TMPRSS2: variants seen among roughly 807,000 people sequenced by gnomAD.
TMPRSS2 encodes the protein transmembrane serine protease 2.
In TMPRSS2, 59 loss-of-function variants were observed where a neutral mutation model predicts 67.4. That is an observed-to-expected ratio of 0.88 (90% CI 0.71 to 1.09). TMPRSS2 has a LOEUF of 1.09. TMPRSS2 is among the 50% of genes least tolerant of loss of function. TMPRSS2 has a pLI of 0.00. For missense variants in TMPRSS2, 668 were observed against 642.7 expected (o/e 1.04, Z -0.43); for synonymous variants, 257 against 257.0 (o/e 1.00, Z 0.00).
chr21:41,467,577 A>ACTGGGGGGATGGGGCTGTGG (rs1486590960), intron 13 of TMPRSS2, among the ~76,000 whole-genome samples, 157 bp downstream of exon 13: 15 of 152,138 alleles, frequency 9.9e-5, no homozygotes, highest in Non-Finnish European at 1.6e-4. Context: ...ATGGGTGGAC[A>ACTGGGGGGATGGGGCTGTGG]CTGGGGGGAT....
intron 1 of TMPRSS2, 45 bp downstream of exon 1, chr21:41,508,036 C>A: frequency 7.6e-7 from 1 of 1,308,416 alleles, no homozygotes; most frequent in South Asian, 2.1e-5. Context: ...GTTCCCCTCC[C>A]CAGCCCGGAC....
chr21:41,475,498 G>T (rs1356538564), intron 8 of TMPRSS2, among the ~76,000 whole-genome samples: 14 of 59,562 alleles, frequency 2.4e-4, no homozygotes, highest in Non-Finnish European at 3.9e-4. Context: ...TGAGTAGGGG[G>T]TGAGTGAGGA....
chr21:41,501,837 G>A (rs962314088), intron 1 of TMPRSS2, among the ~76,000 whole-genome samples: 11 of 152,116 alleles, frequency 7.2e-5, no homozygotes, highest in African/African-American at 2.4e-4. Context: ...GGAGCAAGAC[G>A]TAAAGTAGAT....
intron 5 of TMPRSS2, chr21:41,486,646 A>G (rs995561383): frequency 6.6e-6 from 1 of 152,186 alleles, no homozygotes; most frequent in Non-Finnish European, 1.5e-5. Flanking sequence ...GGCAGCTCTT[A>G]AAGAGAAACG....
At chr21:41,480,054 G>A (rs1045047017) in intron 6 of TMPRSS2, among the ~76,000 whole-genome samples, 1 of 152,196 alleles carries the variant, frequency 6.6e-6, no homozygotes, top group African/African-American at 2.4e-5. Flanking sequence ...AAGTGAAACT[G>A]GCACAGGATT....
At chr21:41,505,087 C>T (rs2091448945) in intron 1 of TMPRSS2, among the ~76,000 whole-genome samples, 1 of 152,096 alleles carries the variant, frequency 6.6e-6, no homozygotes, top group African/African-American at 2.4e-5. Context: ...CCTCACTCTC[C>T]CCACTAGCAA....
intron 8 of TMPRSS2, 141 bp from the exon 9 acceptor site, chr21:41,473,637 C>T: frequency 1.1e-6 from 1 of 944,362 alleles, no homozygotes; most frequent in Non-Finnish European, 1.6e-6. Flanking sequence ...TAGGGGGCTC[C>T]TGGGGGTCTC....
At chr21:41,507,739 G>A (rs2091468457) in intron 1 of TMPRSS2, among the ~76,000 whole-genome samples, 1 of 152,090 alleles carries the variant, frequency 6.6e-6, no homozygotes, top group South Asian at 2.1e-4. Flanking sequence ...GGCGGACTAG[G>A]AGCCAGCTTT....
At chr21:41,466,616 GCC>G (rs1388927115) in intron 13 of TMPRSS2, among the ~76,000 whole-genome samples, 13 of 152,144 alleles carry the variant, frequency 8.5e-5, no homozygotes, top group African/African-American at 3.1e-4. Flanking sequence ...TGGGCCCTGG[GCC>G]AGGTGACGCC....
intron 1 of TMPRSS2, among the ~76,000 whole-genome samples, chr21:41,504,358 C>G (rs563930557): frequency 6.6e-6 from 1 of 152,366 alleles, no homozygotes; most frequent in African/African-American, 2.4e-5. Flanking sequence ...CTCCCTCTCC[C>G]AGACTCACCT....
chr21:41,476,377 C>T (rs2091213173), intron 8 of TMPRSS2, among the ~76,000 whole-genome samples, 200 bp downstream of exon 8: 1 of 152,064 alleles, frequency 6.6e-6, no homozygotes, highest in Non-Finnish European at 1.5e-5. Context: ...TCCCTTGGAC[C>T]CAAGGCTGAA....
intron 5 of TMPRSS2, among the ~76,000 whole-genome samples, chr21:41,484,592 C>T (rs563595464): frequency 5.6e-4 from 86 of 152,282 alleles, no homozygotes; most frequent in African/African-American, 2.0e-3. Context: ...ACATGCACAG[C>T]GTTATGTTTG....
rs554890599 is a variant in TMPRSS2, at chr21:41,467,628, C to A, written c.1467+106G>T. The A allele has an allele frequency of 2.7e-5, 37 of 1,376,494 alleles. No individual in the cohort carries two copies. In the African/African-American group the frequency reaches 5.0e-4, roughly 18 times the overall value. The allele number at this position is 1,376,494 out of a possible 1,614,324, so 85.3% of individuals were successfully genotyped here. On this transcript the variant is annotated intron_variant, in intron 13 of 13. Transcript: ENST00000332149. ...GGAAGCAGAGTTTGCTTCATGCTGA[C>A]CAGTGGTCACCAGTCAGCTTCCAGC...
chr21:41,508,026 G>T, intron 1 of TMPRSS2, 55 bp downstream of exon 1: 1 of 1,337,204 alleles, frequency 7.5e-7, no homozygotes, highest in Non-Finnish European at 9.5e-7. Flanking sequence ...AGGCGCCCAG[G>T]TTCCCCTCCC....
chr21:41,485,541 T>C (rs1179779529), intron 5 of TMPRSS2, among the ~76,000 whole-genome samples: 1 of 151,524 alleles, frequency 6.6e-6, no homozygotes, highest in East Asian at 1.9e-4. Context: ...CCCAGCCACT[T>C]GGGGGGCTGA....
chr21:41,502,690 A>G, intron 1 of TMPRSS2: 1 of 607,760 alleles, frequency 1.6e-6, no homozygotes, highest in Non-Finnish European at 2.1e-6. Context: ...TTCAGCAGAA[A>G]CTTGTTTATG....
intron 4 of TMPRSS2, among the ~76,000 whole-genome samples, chr21:41,489,152 G>A (rs1018109911): frequency 8.5e-5 from 13 of 152,226 alleles, no homozygotes; most frequent in Non-Finnish European, 1.5e-5. Context: ...CTGATGGGAA[G>A]GCTCAGGCTG....
At position 41,469,995 on chromosome 21, in the gene TMPRSS2, A is replaced by G. The variant is rs542946711; in HGVS notation, c.1171+653T>C. The stretch of plus-strand genomic sequence containing the variant: ...CCCACTACCTTCCCTGACGCTCCCC[A>G]GAAATCACCCAACCTTTGTACTTTT... On this transcript the variant is annotated intron_variant, in intron 11 of 13. Transcript: ENST00000332149. Among the ~76,000 whole-genome samples the G allele has an allele frequency of 1.1e-3, 173 of 152,310 alleles. 1 individual carries two copies. In the South Asian group the frequency reaches 0.015, roughly 13 times the overall value.
chr21:41,496,829 CTTTTTTTTTTTTTTTTTTTT>C (rs66730350), intron 2 of TMPRSS2, among the ~76,000 whole-genome samples: 1 of 68,472 alleles, frequency 1.5e-5, no homozygotes, highest in South Asian at 6.2e-4. Flanking sequence ...TCTCTCTCTC[CTTTTTTTTTTTTTTTTTTTT>C]TTTTTTTTGA....
Sources: allele counts gnomAD v4.1 joint callset (sites outside exome capture counted in the v4.1 genomes callset), GRCh38; gene constraint gnomAD v4.1.1; transcripts MANE v1.5; gene names NCBI Gene and HGNC (gene_info 2026-07-23, HGNC 2026-07-21).